Variants in GNL3L observed in about 807,000 individuals in gnomAD.
GNL3L encodes guanine nucleotide-binding protein-like 3-like protein.
Under a neutral mutation model 42.9 loss-of-function variants are expected in GNL3L, and 4 were observed. The observed-to-expected ratio is 0.09, with a 90% CI of 0.05 to 0.21. The LOEUF is 0.21. Among genes scored for constraint, GNL3L ranks in the 10% least tolerant of loss-of-function variants. The probability of loss-of-function intolerance (pLI) is 1.00; values close to 1 mark genes in which losing one functional copy is unlikely to be tolerated. For missense variants in GNL3L, 412 were observed against 481.7 expected, an observed-to-expected ratio of 0.86 and a Z score of 1.36; for synonymous variants, 159 against 176.3, an observed-to-expected ratio of 0.90 and a Z score of 0.78.
chrX:54,639,036 T>C, the GNL3L span, among the ~76,000 whole-genome samples: 124 of 111,831 alleles, frequency 1.1e-3, 1 homozygote, highest in African/African-American at 3.9e-3. Context: ...CCGCATACAC[T>C]TCTCTAGGAG....
intron 4 of GNL3L, 68 bp from the exon 5 acceptor site, chrX:54,541,205 T>G (rs899410674): frequency 5.6e-6 from 4 of 719,035 alleles, no homozygotes; most frequent in Non-Finnish European, 8.8e-6. Flanking sequence ...TTCCTCTGTC[T>G]GTCACCCATC....
At chrX:54,540,637 CT>C (rs2147476025) in intron 4 of GNL3L, among the ~76,000 whole-genome samples, 1 of 111,648 alleles carries the variant, frequency 9.0e-6, no homozygotes, top group South Asian at 3.7e-4. Flanking sequence ...CACTGACAGT[CT>C]CTTTTGCCAC....
downstream of GNL3L, among the ~76,000 whole-genome samples, chrX:54,623,515 G>T (rs150890392): frequency 1.8e-5 from 2 of 111,909 alleles, no homozygotes. Flanking sequence ...CGCCTGCCTC[G>T]GTCTCCCAAA....
intron 14 of GNL3L, among the ~76,000 whole-genome samples, 200 bp from the exon 15 acceptor site, chrX:54,558,236 C>G (rs1156416037): frequency 2.7e-5 from 3 of 110,681 alleles, no homozygotes; most frequent in East Asian, 2.8e-4. Context: ...TATCCACCCC[C>G]CATTTGACAG....
chrX:54,552,611 A>G (rs184703005), intron 13 of GNL3L, among the ~76,000 whole-genome samples, 183 bp downstream of exon 13: 2,225 of 111,823 alleles, frequency 0.02, 49 homozygotes, highest in African/African-American at 0.069. Flanking sequence ...TGGCCCTGGC[A>G]GGGCGGGTTG....
rs1926088343 is a variant in GNL3L at position 54,607,060 on chromosome X, C to CTTTCTT, written c.*46-13783_*46-13778dup. 3.5e-4 allele frequency among the ~76,000 whole-genome samples: 13 copies of CTTTCTT among 37,550 alleles called. 2 individuals carry two copies. The highest frequency in any genetic ancestry group is 1.6e-3 in the African/African-American group (13 of 8,202). The allele number at this position is 37,550 out of a possible 115,157, so 32.6% of individuals were successfully genotyped here. A position where few individuals can be genotyped will look rare whatever the true frequency, so the allele number is the denominator to read the frequency against. On this transcript the variant is annotated intron_variant, in intron 16 of 16. Transcript: ENST00000674498. ...TCTTTCTTTCTTTCTTTCTTTCTTTCTTTCTTTCTTTCTCTTTCTTTCTTC... is the reference window on the plus strand; with the variant it reads ...TCTTTCTTTCTTTCTTTCTTTCTTTCTTTCTTTTTCTTTCTTTCTCTTTCTTTCTTC...
At chrX:54,547,146 G>A (rs917380637) in intron 8 of GNL3L, among the ~76,000 whole-genome samples, 35 of 106,939 alleles carry the variant, frequency 3.3e-4, no homozygotes, top group African/African-American at 1.1e-3. Context: ...ACAGGTGCGT[G>A]CCACCACACC....
intron 16 of GNL3L, among the ~76,000 whole-genome samples, chrX:54,607,070 TTC>T (rs1195410890): frequency 0.024 from 1,183 of 48,414 alleles, 53 homozygotes; most frequent in African/African-American, 0.079. Context: ...CTTTCTTTCT[TTC>T]TCTTTCTTTC....
chrX:54,576,372 AC>A (rs1295013159), intron 16 of GNL3L, among the ~76,000 whole-genome samples: 1 of 112,017 alleles, frequency 8.9e-6, no homozygotes, highest in Non-Finnish European at 1.9e-5. Flanking sequence ...TTTACTGTCA[AC>A]CCATTTTTTT....
chrX:54,608,765 A>C (rs1172643594), intron 16 of GNL3L, among the ~76,000 whole-genome samples: 1 of 112,077 alleles, frequency 8.9e-6, no homozygotes, highest in Non-Finnish European at 1.9e-5. Context: ...ATTGATGGGC[A>C]TTTGGGTTGG....
chrX:54,607,004 CTT>C (rs1376326706), intron 16 of GNL3L, among the ~76,000 whole-genome samples: 7 of 16,894 alleles, frequency 4.1e-4, no homozygotes, highest in African/African-American at 2.6e-3. Flanking sequence ...TCCTTTCTTT[CTT>C]TCTTTCTTTC....
chrX:54,587,944 G>T (rs1925809428), intron 16 of GNL3L, among the ~76,000 whole-genome samples: 1 of 112,024 alleles, frequency 8.9e-6, no homozygotes, highest in Non-Finnish European at 1.9e-5. Flanking sequence ...GCCTCCCAAA[G>T]TGCTAGATTA....
rs1438768488 is a variant in GNL3L at position 54,562,464 on chromosome X, C to A, written c.*1862C>A. On this transcript the variant is annotated 3_prime_UTR_variant, in exon 16 of 16. Coordinates refer to ENST00000360845, the MANE Select transcript of GNL3L (RefSeq NM_001184819.2). ...GGAGTGCCATTGGCTGTGGACTGTT[C>A]AGGCAGGGAAGTACAAGACCACTCT... Among the ~76,000 whole-genome samples, 1 of 111,271 alleles carries A rather than the reference C, an allele frequency of 9.0e-6. No homozygotes were observed. The highest frequency in any genetic ancestry group is 9.6e-5 in the Admixed American group (1 of 10,407).
At chrX:54,571,574 A>G (rs1248485368), downstream of GNL3L, among the ~76,000 whole-genome samples, 3 of 103,787 alleles carry the variant, frequency 2.9e-5, no homozygotes, top group Admixed American at 1.1e-4. Flanking sequence ...AGCTCAAGCA[A>G]TCCTCCCACC....
intron 16 of GNL3L, among the ~76,000 whole-genome samples, chrX:54,575,834 C>T (rs963210056): frequency 2.7e-5 from 3 of 112,027 alleles, no homozygotes; most frequent in Non-Finnish European, 5.6e-5. Flanking sequence ...TGCTTGAACC[C>T]GGGAGTCGGA....
At chrX:54,615,067 A>G (rs1926205736) in intron 16 of GNL3L, among the ~76,000 whole-genome samples, 1 of 111,932 alleles carries the variant, frequency 8.9e-6, no homozygotes, top group Non-Finnish European at 1.9e-5. Flanking sequence ...CAAGAAATCA[A>G]TTCCCATTTC....
downstream of GNL3L, among the ~76,000 whole-genome samples, chrX:54,571,287 G>A (rs1467003459): frequency 3.8e-5 from 4 of 105,179 alleles, no homozygotes; most frequent in East Asian, 9.0e-4. Flanking sequence ...TCCACCTCCC[G>A]GGTTCATGCC....
At chrX:54,627,287 G>A in the GNL3L span, among the ~76,000 whole-genome samples, 3 of 111,998 alleles carry the variant, frequency 2.7e-5, no homozygotes, top group East Asian at 2.8e-4. Flanking sequence ...GGGATTACAG[G>A]TGTGAGCCAC....
At chrX:54,598,106 A>G (rs982856637) in intron 16 of GNL3L, among the ~76,000 whole-genome samples, 2 of 111,647 alleles carry the variant, frequency 1.8e-5, no homozygotes, top group African/African-American at 6.5e-5. Context: ...CAATTGGTGG[A>G]GCCTTTTATT....
Sources: allele counts gnomAD v4.1 joint callset (sites outside exome capture counted in the v4.1 genomes callset), GRCh38; gene constraint gnomAD v4.1.1; transcripts MANE v1.5; gene names NCBI Gene and HGNC (gene_info 2026-07-23, HGNC 2026-07-21).